The following METTL22 variants were observed in gnomAD, a reference collection of about 807,000 sequenced individuals.
METTL22 encodes the protein methyltransferase 22, Kin17 lysine.
METTL22 carries 51 observed loss-of-function variants against 48.4 expected under a neutral mutation model. The observed-to-expected ratio is 1.05, with a 90% CI of 0.84 to 1.33. The LOEUF is 1.33. Among genes scored for constraint, METTL22 ranks in the 40% most tolerant of loss-of-function variants. The pLI is 0.00. For synonymous variants in METTL22, 255 were observed against 214.1 expected (o/e 1.19, Z -1.67); for missense variants, 678 against 526.9 (o/e 1.29, Z -2.81).
chr16:8,625,132 T>C (rs72766458), intron 1 of METTL22, among the ~76,000 whole-genome samples: 3,859 of 152,228 alleles, frequency 0.025, 80 homozygotes, highest in Non-Finnish European at 0.04. Flanking sequence ...TATGATTATA[T>C]AGGGAAATGC....
chr16:8,655,463 C>CA, the METTL22 span, among the ~76,000 whole-genome samples: 13 of 152,194 alleles, frequency 8.5e-5, no homozygotes, highest in Non-Finnish European at 1.6e-4. Context: ...TTTCTCAGAG[C>CA]AAGCATACAA....
At chr16:8,633,341 C>T (rs1418590956) in intron 3 of METTL22, among the ~76,000 whole-genome samples, 1 of 152,148 alleles carries the variant, frequency 6.6e-6, no homozygotes, top group Non-Finnish European at 1.5e-5. Context: ...TGGCTCACAC[C>T]TATGATCCCA....
the METTL22 span, among the ~76,000 whole-genome samples, chr16:8,655,366 C>G: frequency 6.6e-6 from 1 of 152,226 alleles, no homozygotes. Flanking sequence ...CAGTTCCTCA[C>G]TGGCTGCTGA....
the METTL22 span, among the ~76,000 whole-genome samples, chr16:8,655,205 G>A: frequency 2.0e-5 from 3 of 152,118 alleles, no homozygotes; most frequent in African/African-American, 7.2e-5. Context: ...AGTTTAACTG[G>A]GTGCCTCTGT....
chr16:8,624,525 G>A (rs760478319), intron 1 of METTL22, among the ~76,000 whole-genome samples: 7 of 151,886 alleles, frequency 4.6e-5, no homozygotes, highest in East Asian at 1.9e-4. Flanking sequence ...GACTACCAGC[G>A]CGCGCCACGA....
chr16:8,625,929 CT>C (rs2141686777), intron 2 of METTL22, 131 bp downstream of exon 2: 10 of 1,115,640 alleles, frequency 9.0e-6, no homozygotes, highest in East Asian at 2.4e-5. Flanking sequence ...TTTAAGTGCC[CT>C]TTTTTTCTTT....
At chr16:8,633,870 A>G (rs539053411) in intron 3 of METTL22, among the ~76,000 whole-genome samples, 31 of 152,344 alleles carry the variant, frequency 2.0e-4, no homozygotes, top group African/African-American at 7.2e-4. Flanking sequence ...TGTAATATAC[A>G]TGTGAGCCAA....
At chr16:8,634,221 G>A (rs1376377943) in intron 3 of METTL22, among the ~76,000 whole-genome samples, 2 of 152,208 alleles carry the variant, frequency 1.3e-5, no homozygotes, top group Non-Finnish European at 2.9e-5. Context: ...CAGTGGCCCA[G>A]GTGCCCAAGA....
chr16:8,650,733 A>G (rs2056882365), downstream of METTL22, among the ~76,000 whole-genome samples: 2 of 152,238 alleles, frequency 1.3e-5, no homozygotes. Flanking sequence ...TCATTTATCA[A>G]TAAATGAAAA....
the METTL22 span, among the ~76,000 whole-genome samples, chr16:8,664,008 G>T: frequency 6.6e-6 from 1 of 152,048 alleles, no homozygotes; most frequent in Admixed American, 6.5e-5. Flanking sequence ...TCCAGCTGTG[G>T]CTAGATGGCC....
intron 1 of METTL22, among the ~76,000 whole-genome samples, chr16:8,624,325 G>C (rs1245277888): frequency 4.0e-5 from 6 of 150,756 alleles, no homozygotes; most frequent in South Asian, 4.2e-4. Context: ...CACCAGTGTA[G>C]TGACTCCCTT....
chr16:8,659,640 G>T, the METTL22 span, among the ~76,000 whole-genome samples: 1,264 of 152,080 alleles, frequency 8.3e-3, 24 homozygotes, highest in African/African-American at 0.03. Flanking sequence ...TACAAGTGAG[G>T]CAAAAAGGTG....
At chr16:8,661,810 C>A in the METTL22 span, among the ~76,000 whole-genome samples, 1 of 144,346 alleles carries the variant, frequency 6.9e-6, no homozygotes, top group East Asian at 2.0e-4. Context: ...CGGCCTCAAG[C>A]AATCCTCCCA....
the METTL22 span, among the ~76,000 whole-genome samples, chr16:8,663,808 G>T: frequency 2.6e-4 from 39 of 152,180 alleles, no homozygotes; most frequent in Admixed American, 2.4e-3. Flanking sequence ...TCAGACTAGA[G>T]GAGTTACACT....
downstream of METTL22, among the ~76,000 whole-genome samples, chr16:8,651,386 C>CAAAAACAAAAAAA (rs2056894456): frequency 2.0e-5 from 1 of 49,068 alleles, no homozygotes; most frequent in African/African-American, 8.2e-5. Flanking sequence ...GACTCTGTCT[C>CAAAAACAAAAAAA]AAAAAAAAAA....
In METTL22 at chr16:8,641,869, C is replaced by T. The variant is rs556710162; in HGVS notation, c.827-258C>T. ...TGCACTGGGCCACAGGCCAAGGCAG[C>T]GGGTGAGGCTGAAATCCGCCCGCTG... On this transcript the variant is annotated intron_variant, in intron 7 of 10. Coordinates refer to ENST00000381920, the MANE Select transcript of METTL22 (RefSeq NM_024109.4). 158 of 570,384 alleles carry T rather than the reference C, an allele frequency of 2.8e-4. No homozygotes were observed. The East Asian group carries it at 3.9e-3, about 14-fold the overall frequency. The allele number at this position is 570,384 out of a possible 1,614,324, so 35.3% of individuals were successfully genotyped here.
At position 8,647,085 on chromosome 16, in the gene METTL22, C is replaced by G. The variant is rs372725514; in HGVS notation, c.*942C>G. The G allele has an allele frequency of 4.5e-5, 11 of 246,736 alleles. No individual in the cohort carries two copies. In the East Asian group the frequency reaches 7.1e-4, roughly 16 times the overall value. 15.3% of individuals were successfully genotyped at this position (246,736 alleles called of 1,614,324 possible). On this transcript the variant is annotated 3_prime_UTR_variant, in exon 11 of 11. Coordinates refer to ENST00000381920, the MANE Select transcript of METTL22 (RefSeq NM_024109.4). ...GGCCTTTCATGGCCCCTTTCCGCCT[C>G]CCTTGCAGCTCAGGTTTCCTGGCTT...
At chr16:8,659,564 A>G in the METTL22 span, among the ~76,000 whole-genome samples, 1 of 152,148 alleles carries the variant, frequency 6.6e-6, no homozygotes, top group African/African-American at 2.4e-5. Flanking sequence ...AGAGGAGGCA[A>G]CCTGCAATAA....
chr16:8,643,969 G>GA (rs2056703664), intron 9 of METTL22, among the ~76,000 whole-genome samples: 1 of 152,136 alleles, frequency 6.6e-6, no homozygotes, highest in African/African-American at 2.4e-5. Context: ...AAAAAATTTG[G>GA]AAAGAAAAGG....
Sources: allele counts gnomAD v4.1 joint callset (sites outside exome capture counted in the v4.1 genomes callset), GRCh38; gene constraint gnomAD v4.1.1; transcripts MANE v1.5; gene names NCBI Gene and HGNC (gene_info 2026-07-23, HGNC 2026-07-21).